DGKI: variants seen among roughly 807,000 people sequenced by gnomAD.
DGKI encodes the protein diacylglycerol kinase iota.
DGKI carries 55 observed loss-of-function variants against 147.5 expected under a neutral mutation model. The ratio of observed to expected loss-of-function variants is 0.37; its 90% confidence interval spans 0.30 to 0.47. The LOEUF is 0.47. Ranked by LOEUF, DGKI falls within the 20% of genes least tolerant of loss-of-function variation. DGKI has a pLI of 1.00. For missense variants in DGKI, 1,007 were observed against 1,323.8 expected, an observed-to-expected ratio of 0.76 and a Z score of 3.71; for synonymous variants, 469 against 477.1, an observed-to-expected ratio of 0.98 and a Z score of 0.22.
At chr7:137,674,736 C>T (rs1232327820) in intron 3 of DGKI, among the ~76,000 whole-genome samples, 1 of 152,308 alleles carries the variant, frequency 6.6e-6, no homozygotes, top group East Asian at 1.9e-4. Flanking sequence ...CTTCCCTGCC[C>T]GAAATGTTCT....
At chr7:137,475,025 T>C (rs758724341) in intron 23 of DGKI, among the ~76,000 whole-genome samples, 7 of 152,218 alleles carry the variant, frequency 4.6e-5, no homozygotes, top group Non-Finnish European at 5.9e-5. Context: ...GATATAATTA[T>C]GCGAGAGATA....
chr7:137,519,022 G>A (rs117822363), intron 21 of DGKI, among the ~76,000 whole-genome samples: 2 of 152,038 alleles, frequency 1.3e-5, no homozygotes, highest in Non-Finnish European at 2.9e-5. Context: ...ACTATTATCT[G>A]AGGGTTGATA....
intron 27 of DGKI, among the ~76,000 whole-genome samples, chr7:137,444,608 A>T (rs1031110056): frequency 1.1e-4 from 16 of 152,188 alleles, no homozygotes; most frequent in African/African-American, 3.4e-4. Flanking sequence ...GAGTGAGCTG[A>T]CCCTCTATTC....
In DGKI at chr7:137,793,214, T is replaced by A. The variant is rs1796914748; in HGVS notation, c.401+53248A>T. Among the ~76,000 whole-genome samples the A allele has an allele frequency of 2.0e-5, 3 of 152,154 alleles. No individual in the cohort carries two copies. The South Asian group carries it at 6.2e-4, about 32-fold the overall frequency. ...TACCTTGGTCTCTGTCCATCTGCCT[T>A]CATCTCTAGATAACGAAAAAAAGCC... is the stretch of plus-strand genomic sequence containing the variant. On this transcript the variant is annotated intron_variant, in intron 1 of 32. Transcript: ENST00000614521.
chr7:137,762,870 T>C (rs1355111084), intron 1 of DGKI, among the ~76,000 whole-genome samples: 1 of 152,174 alleles, frequency 6.6e-6, no homozygotes, highest in Admixed American at 6.5e-5. Context: ...TCCAGACAAA[T>C]AGGGAATTTA....
At chr7:137,677,375 CA>C (rs2116386011) in intron 3 of DGKI, among the ~76,000 whole-genome samples, 1 of 152,320 alleles carries the variant, frequency 6.6e-6, no homozygotes, top group East Asian at 1.9e-4. Flanking sequence ...GATTCAGCTC[CA>C]GGTTTCCCGA....
At chr7:137,669,977 G>T (rs1822784199) in intron 3 of DGKI, among the ~76,000 whole-genome samples, 1 of 152,042 alleles carries the variant, frequency 6.6e-6, no homozygotes, top group Admixed American at 6.6e-5. Context: ...GTTCTGTGGG[G>T]AAATTATGGG....
chr7:137,565,017 T>C (rs1818537325), intron 19 of DGKI, among the ~76,000 whole-genome samples: 1 of 152,218 alleles, frequency 6.6e-6, no homozygotes, highest in Non-Finnish European at 1.5e-5. Context: ...TTCTAAAAAA[T>C]AATTCTATAA....
chr7:137,665,456 C>T (rs1202367133), intron 3 of DGKI, among the ~76,000 whole-genome samples: 1 of 152,182 alleles, frequency 6.6e-6, no homozygotes, highest in Non-Finnish European at 1.5e-5. Context: ...TGACAGCATA[C>T]CTGACAGTCT....
At chr7:137,408,040 A>G (rs775703586) in intron 29 of DGKI, 45 bp from the exon 30 acceptor site, 1 of 1,608,398 alleles carries the variant, frequency 6.2e-7, no homozygotes, top group Admixed American at 1.7e-5. Flanking sequence ...AGAATTCGGA[A>G]CAAGGATAAC....
intron 1 of DGKI, among the ~76,000 whole-genome samples, chr7:137,709,424 G>C (rs1362160542): frequency 6.6e-6 from 1 of 152,154 alleles, no homozygotes; most frequent in East Asian, 1.9e-4. Context: ...GACTAAATCT[G>C]AAAGATTCCA....
In DGKI at chr7:137,390,999, T is replaced by C. The variant is rs1023112508; in HGVS notation, c.*221A>G. On this transcript the variant is annotated 3_prime_UTR_variant, in exon 33 of 33. Coordinates refer to ENST00000614521, the MANE Select transcript of DGKI (RefSeq NM_001321708.2). Reference sequence around the variant, plus strand: ...CAAATTTTGTGGAACTCGTACTGTATTCCACAAATCTCCAGGTATCCTGCC... The same window carrying C: ...CAAATTTTGTGGAACTCGTACTGTACTCCACAAATCTCCAGGTATCCTGCC... 64 of 555,638 alleles carry C rather than the reference T, an allele frequency of 1.2e-4. No homozygotes were observed. The highest frequency in any genetic ancestry group is 2.0e-4 in the Admixed American group (6 of 30,258). 34.4% of individuals were successfully genotyped at this position (555,638 alleles called of 1,614,324 possible). A position where few individuals can be genotyped will look rare whatever the true frequency, so the allele number is the denominator to read the frequency against.
chr7:137,705,869 T>A (rs1167875065), intron 1 of DGKI, among the ~76,000 whole-genome samples: 1 of 152,052 alleles, frequency 6.6e-6, no homozygotes, highest in Non-Finnish European at 1.5e-5. Context: ...ATATGGAACA[T>A]GCAGTAAAGA....
At chr7:137,677,394 TCCAGAGC>T (rs1213222400) in intron 3 of DGKI, among the ~76,000 whole-genome samples, 2 of 152,224 alleles carry the variant, frequency 1.3e-5, no homozygotes, top group African/African-American at 4.8e-5. Context: ...CGACTTCCAA[TCCAGAGC>T]CTGTTCATCT....
intron 31 of DGKI, among the ~76,000 whole-genome samples, chr7:137,396,602 A>G (rs1388226386): frequency 6.6e-6 from 1 of 152,180 alleles, no homozygotes; most frequent in African/African-American, 2.4e-5. Context: ...AGCTTCTTCC[A>G]CAGCTCTACT....
At position 137,487,672 on chromosome 7, in the gene DGKI, G is replaced by T. The variant is rs375805730; in HGVS notation, c.2266C>A (p.Leu756Ile). Residue 756 changes from leucine (L) to isoleucine (I), a missense_variant, in exon 22 of 33, where the codon CTA (leucine) becomes ATA (isoleucine). Leu to Ile is a conservative substitution (Grantham distance 5). This residue lies in a region of DGKI where 385 missense variants were observed against 445.2 expected (regional missense o/e 0.86). Transcript: ENST00000614521. ...AAATCACAGTCTCCACGCACAACTA[G>T]AATACCCAGAGGTATCGCTAAGGGT... ...LREASIPLGILVVRGDCDLET... is the reference protein window; with the variant it reads ...LREASIPLGIIVVRGDCDLET... The T allele has an allele frequency of 7.7e-5, 124 of 1,613,560 alleles. No homozygotes were observed. Among genetic ancestry groups the T allele is most frequent in the Admixed American group, 1.0e-4 (6 of 59,986 alleles).
intron 28 of DGKI, among the ~76,000 whole-genome samples, chr7:137,428,291 A>T (rs1007924575): frequency 1.3e-5 from 2 of 152,190 alleles, no homozygotes; most frequent in African/African-American, 4.8e-5. Context: ...ACAGAACCAA[A>T]GACAAAAACC....
intron 20 of DGKI, among the ~76,000 whole-genome samples, chr7:137,535,606 G>A (rs1158712981): frequency 3.9e-5 from 6 of 152,046 alleles, no homozygotes; most frequent in South Asian, 4.2e-4. Context: ...AACAAAACCC[G>A]CAGTAAATAT....
intron 3 of DGKI, among the ~76,000 whole-genome samples, chr7:137,672,808 T>C (rs2116359943): frequency 6.9e-6 from 1 of 144,492 alleles, no homozygotes; most frequent in African/African-American, 2.6e-5. Flanking sequence ...GAGAGGGAGT[T>C]TCGCTCTTTT....
Sources: allele counts gnomAD v4.1 joint callset (sites outside exome capture counted in the v4.1 genomes callset), GRCh38; gene constraint gnomAD v4.1.1; regional missense constraint gnomAD v4.1.1; transcripts MANE v1.5; gene names NCBI Gene and HGNC (gene_info 2026-07-23, HGNC 2026-07-21).